Variants in RAD51B observed in about 807,000 individuals in gnomAD.
RAD51B encodes DNA repair protein RAD51 homolog 2.
A neutral mutation model predicts 42.2 loss-of-function variants in RAD51B; 38 were observed. That is an observed-to-expected ratio of 0.90 (90% CI 0.70 to 1.18). RAD51B has a LOEUF of 1.18. Among genes scored for constraint, RAD51B ranks in the 50% most tolerant of loss-of-function variants. RAD51B has a pLI of 0.00. For missense variants in RAD51B, 373 were observed against 400.7 expected (o/e 0.93, Z 0.59); for synonymous variants, 154 against 145.2 (o/e 1.06, Z -0.43).
intron 7 of RAD51B, among the ~76,000 whole-genome samples, chr14:68,118,082 C>A (rs912726138): frequency 3.3e-5 from 5 of 152,050 alleles, no homozygotes; most frequent in African/African-American, 1.2e-4. Flanking sequence ...TAAAAAATAA[C>A]AATTTGCCAT....
intron 7 of RAD51B, among the ~76,000 whole-genome samples, chr14:67,941,858 A>G (rs1566970231): frequency 6.6e-6 from 1 of 152,172 alleles, no homozygotes; most frequent in Non-Finnish European, 1.5e-5. Context: ...TTTCATTCCC[A>G]TGTCTCATCT....
At chr14:68,608,940 C>G (rs1566953897) in intron 10 of RAD51B, among the ~76,000 whole-genome samples, 1 of 152,156 alleles carries the variant, frequency 6.6e-6, no homozygotes. Flanking sequence ...CCCCACTTCT[C>G]AACCTCTGCA....
chr14:68,485,284 C>T (rs1883535222), intron 10 of RAD51B, among the ~76,000 whole-genome samples: 1 of 152,166 alleles, frequency 6.6e-6, no homozygotes, highest in African/African-American at 2.4e-5. Flanking sequence ...TTTCACTGCT[C>T]ACCTCCAGCC....
intron 7 of RAD51B, among the ~76,000 whole-genome samples, chr14:68,061,851 A>G (rs1002310330): frequency 6.6e-6 from 1 of 152,160 alleles, no homozygotes; most frequent in African/African-American, 2.4e-5. Flanking sequence ...AACAGGGACA[A>G]TTTGACTTTC....
intron 10 of RAD51B, among the ~76,000 whole-genome samples, chr14:68,605,429 G>T (rs1891407795): frequency 6.6e-6 from 1 of 152,246 alleles, no homozygotes; most frequent in African/African-American, 2.4e-5. Flanking sequence ...TCCTTACACA[G>T]TTTGTCCCTG....
At chr14:68,380,338 G>T (rs899189584) in intron 8 of RAD51B, among the ~76,000 whole-genome samples, 5 of 152,176 alleles carry the variant, frequency 3.3e-5, no homozygotes, top group Non-Finnish European at 5.9e-5. Flanking sequence ...CAGCCAAACT[G>T]AAACACACCT....
intron 7 of RAD51B, among the ~76,000 whole-genome samples, chr14:67,993,587 T>C (rs371343652): frequency 6.6e-6 from 1 of 152,226 alleles, no homozygotes; most frequent in Non-Finnish European, 1.5e-5. Flanking sequence ...CTTTGTCCAT[T>C]CATGTGTTGA....
At chr14:68,425,936 T>TTTTCTTTCTTTCTTTCTTTC (rs56847254) in intron 9 of RAD51B, among the ~76,000 whole-genome samples, 3,950 of 72,996 alleles carry the variant, frequency 0.054, 376 homozygotes, top group Middle Eastern at 0.1. Context: ...AGGCCATTCT[T>TTTTCTTTCTTTCTTTCTTTC]TTTCTTTCTT....
intron 7 of RAD51B, among the ~76,000 whole-genome samples, chr14:68,162,512 G>A (rs533942140): frequency 7.2e-5 from 11 of 152,306 alleles, no homozygotes; most frequent in Admixed American, 2.6e-4. Flanking sequence ...GCTGCCGGGC[G>A]TAGTGGCTCA....
intron 11 of RAD51B, among the ~76,000 whole-genome samples, chr14:68,671,187 C>T (rs747082564): frequency 2.4e-4 from 36 of 152,156 alleles, no homozygotes; most frequent in Non-Finnish European, 4.4e-4. Context: ...TGGGTTGGTC[C>T]GTGTGCTTTG....
intron 7 of RAD51B, among the ~76,000 whole-genome samples, chr14:68,097,899 A>G (rs2077221922): frequency 1.3e-5 from 2 of 152,110 alleles, no homozygotes; most frequent in African/African-American, 4.8e-5. Flanking sequence ...ACCTCCCACC[A>G]TGTCTCTTTA....
At chr14:68,463,664 T>G (rs1486198553) in intron 9 of RAD51B, among the ~76,000 whole-genome samples, 2 of 152,136 alleles carry the variant, frequency 1.3e-5, no homozygotes, top group Admixed American at 1.3e-4. Context: ...TAGTATATAA[T>G]ATTATAGAAT....
At position 68,129,833 on chromosome 14, in the gene RAD51B, G is replaced by T. The variant is rs138206414; in HGVS notation, c.757-162051G>T. 8.2e-3 allele frequency among the ~76,000 whole-genome samples: 1,243 copies of T among 152,294 alleles called. 18 individuals carry two copies. The highest frequency in any genetic ancestry group is 0.028 in the African/African-American group (1,183 of 41,554). ...CCAGATGCTTATGGCCCAAGAATTT[G>T]CATTTCTAACAGGTTCCTAGATGAT... is the stretch of plus-strand genomic sequence containing the variant. On this transcript the variant is annotated intron_variant, in intron 7 of 10. Transcript: ENST00000471583.
intron 9 of RAD51B, among the ~76,000 whole-genome samples, chr14:68,429,325 G>A (rs138493313): frequency 0.035 from 5,266 of 152,142 alleles, 180 homozygotes; most frequent in Admixed American, 0.092. Flanking sequence ...TTGAGGAATC[G>A]CCACACTGAC....
chr14:68,134,236 A>T (rs191589277), intron 7 of RAD51B, among the ~76,000 whole-genome samples: 4 of 152,040 alleles, frequency 2.6e-5, no homozygotes, highest in Admixed American at 2.0e-4. Context: ...GGCTTTTTCC[A>T]CTTTTCTTAT....
At chr14:68,184,620 A>AAAC (rs2079120165) in intron 7 of RAD51B, among the ~76,000 whole-genome samples, 2 of 64,272 alleles carry the variant, frequency 3.1e-5, no homozygotes, top group African/African-American at 9.2e-5. Flanking sequence ...AAAAAAAAAA[A>AAAC]AAACCAAAAA....
At chr14:68,115,151 T>A (rs1444048163) in intron 7 of RAD51B, among the ~76,000 whole-genome samples, 1 of 136,372 alleles carries the variant, frequency 7.3e-6, no homozygotes, top group Non-Finnish European at 1.5e-5. Flanking sequence ...AACCCAAATG[T>A]CCAACAATGA....
intron 7 of RAD51B, among the ~76,000 whole-genome samples, chr14:68,028,813 C>T (rs188406511): frequency 2.5e-4 from 38 of 152,292 alleles, no homozygotes; most frequent in African/African-American, 6.7e-4. Context: ...CCTGCCTCAG[C>T]GGTCAGCTGG....
chr14:68,318,713 C>T (rs1183663889), intron 8 of RAD51B, among the ~76,000 whole-genome samples: 3 of 152,162 alleles, frequency 2.0e-5, no homozygotes, highest in Non-Finnish European at 4.4e-5. Context: ...GAGACAATGG[C>T]CAGCACTGTT....
Sources: gnomAD v4.1 joint callset for allele counts (sites outside exome capture counted in the v4.1 genomes callset) on GRCh38, gnomAD v4.1.1 for gene constraint, MANE v1.5 for transcripts, NCBI Gene and HGNC (gene_info 2026-07-23, HGNC 2026-07-21) for gene names.